Variants in FGF14 observed in about 807,000 individuals in gnomAD.
FGF14 encodes the protein fibroblast growth factor 14, also known as fibroblast growth factor homologous factor 4.
FGF14 carries 5 observed loss-of-function variants against 25.5 expected under a neutral mutation model. The ratio of observed to expected loss-of-function variants is 0.20; its 90% CI spans 0.10 to 0.41. FGF14 has a LOEUF of 0.41. Among genes scored for constraint, FGF14 ranks in the 10% least tolerant of loss-of-function variants. FGF14 has a pLI of 1.00. For synonymous variants in FGF14, 138 were observed against 118.3 expected, an observed-to-expected ratio of 1.17 and a Z score of -1.08; for missense variants, 222 against 320.1, an observed-to-expected ratio of 0.69 and a Z score of 2.34.
At chr13:102,232,316 T>A (rs1307046496) in intron 1 of FGF14, among the ~76,000 whole-genome samples, 1 of 152,156 alleles carries the variant, frequency 6.6e-6, no homozygotes, top group Non-Finnish European at 1.5e-5. Context: ...AACTTTCACA[T>A]CCACATCAAC....
chr13:102,010,537 T>G (rs561614377), intron 1 of FGF14, among the ~76,000 whole-genome samples: 1 of 152,254 alleles, frequency 6.6e-6, no homozygotes, highest in Admixed American at 6.5e-5. Flanking sequence ...GTTATAAGCT[T>G]TTATTTGCAC....
intron 3 of FGF14, among the ~76,000 whole-genome samples, chr13:101,809,416 T>A (rs1318441134): frequency 2.6e-5 from 4 of 152,154 alleles, no homozygotes; most frequent in Non-Finnish European, 5.9e-5. Context: ...GTGCAGGCTA[T>A]GAAGAGTTTA....
intron 1 of FGF14, among the ~76,000 whole-genome samples, chr13:101,903,189 T>C (rs935002127): frequency 4.6e-5 from 7 of 152,116 alleles, no homozygotes; most frequent in African/African-American, 1.7e-4. Flanking sequence ...TGTGAGGCAA[T>C]TTGACATTCA....
intron 1 of FGF14, among the ~76,000 whole-genome samples, chr13:102,045,317 C>T (rs2041933819): frequency 6.6e-6 from 1 of 151,264 alleles, no homozygotes; most frequent in Non-Finnish European, 1.5e-5. Flanking sequence ...TATGTAAATA[C>T]ACACAGAAGT....
intron 3 of FGF14, among the ~76,000 whole-genome samples, chr13:101,811,303 A>G (rs2041499161): frequency 6.6e-6 from 1 of 152,182 alleles, no homozygotes; most frequent in Admixed American, 6.5e-5. Context: ...GCAACCATGG[A>G]TCTTTTTCCT....
At chr13:102,062,382 T>TA (rs1393875034) in intron 1 of FGF14, among the ~76,000 whole-genome samples, 1 of 151,910 alleles carries the variant, frequency 6.6e-6, no homozygotes. Flanking sequence ...AAAATAAGCC[T>TA]AACCAAAAAG....
intron 1 of FGF14, among the ~76,000 whole-genome samples, chr13:101,898,805 T>C (rs1209683172): frequency 6.6e-6 from 1 of 152,022 alleles, no homozygotes; most frequent in Admixed American, 6.6e-5. Flanking sequence ...AGAAAGAAAA[T>C]TGGTTGATGG....
intron 1 of FGF14, among the ~76,000 whole-genome samples, chr13:102,305,276 C>T (rs2055311385): frequency 6.6e-6 from 1 of 151,946 alleles, no homozygotes; most frequent in African/African-American, 2.4e-5. Flanking sequence ...TAAAATAGCA[C>T]AAATAGCCTA....
At chr13:102,254,332 G>A (rs929656688) in intron 1 of FGF14, among the ~76,000 whole-genome samples, 2 of 152,112 alleles carry the variant, frequency 1.3e-5, no homozygotes, top group African/African-American at 4.8e-5. Context: ...GTCAGCCTGG[G>A]GGATCTACTG....
chr13:102,170,149 G>A (rs921681177), intron 1 of FGF14, among the ~76,000 whole-genome samples: 2 of 152,092 alleles, frequency 1.3e-5, no homozygotes, highest in South Asian at 2.1e-4. Context: ...GTCTTCCAGC[G>A]TGGGGCATAC....
chr13:102,251,204 C>T lies in FGF14; in HGVS notation c.208+150267G>A, dbSNP rs1425847252. Among the ~76,000 whole-genome samples the T allele has an allele frequency of 3.3e-5, 5 of 152,082 alleles. No individual in the cohort carries two copies. In the East Asian group the frequency reaches 9.6e-4, roughly 29 times the overall value. On this transcript the variant is annotated intron_variant, in intron 1 of 4. Coordinates refer to the FGF14 transcript ENST00000376131. Reference sequence around the variant, plus strand: ...CTACTCATTGGTATGGTATCTTTGTCTCTGGGAACTACGGAGATAGAGGTA... The same window carrying T: ...CTACTCATTGGTATGGTATCTTTGTTTCTGGGAACTACGGAGATAGAGGTA...
intron 1 of FGF14, among the ~76,000 whole-genome samples, chr13:101,942,796 C>T (rs1186445953): frequency 1.3e-5 from 2 of 152,194 alleles, no homozygotes; most frequent in East Asian, 3.9e-4. Context: ...GAGCTAAAAG[C>T]CTTTGCTTCA....
intron 1 of FGF14, among the ~76,000 whole-genome samples, chr13:102,371,204 C>A (rs137983065): frequency 6.6e-6 from 1 of 152,084 alleles, no homozygotes; most frequent in African/African-American, 2.4e-5. Flanking sequence ...AAATTTATAA[C>A]CTGATACAAA....
chr13:101,852,017 C>G lies in FGF14; in HGVS notation c.408+16708G>C, dbSNP rs148299538. ...GCCTAGGGCTGGGGCTCTCAAGGAA[C>G]AGATTCTGCTTTTCTTTGGATAATC... On this transcript the variant is annotated intron_variant, in intron 3 of 4. Transcript: ENST00000376143. Among the ~76,000 whole-genome samples, 27 of 152,214 alleles carry G rather than the reference C, an allele frequency of 1.8e-4. 1 individual carries two copies. The highest frequency in any genetic ancestry group is 5.1e-4 in the African/African-American group (21 of 41,558).
At chr13:102,333,555 A>G (rs575986709) in intron 1 of FGF14, among the ~76,000 whole-genome samples, 1 of 152,292 alleles carries the variant, frequency 6.6e-6, no homozygotes, top group African/African-American at 2.4e-5. Flanking sequence ...GGCTTTCGGT[A>G]AAGTAGGAAC....
At chr13:102,267,835 C>T (rs373545331) in intron 1 of FGF14, among the ~76,000 whole-genome samples, 1 of 151,818 alleles carries the variant, frequency 6.6e-6, no homozygotes, top group African/African-American at 2.4e-5. Flanking sequence ...TCAAAGCAGA[C>T]AGAAATTGTA....
chr13:102,192,927 C>T (rs888139519), intron 1 of FGF14, among the ~76,000 whole-genome samples: 5 of 152,096 alleles, frequency 3.3e-5, no homozygotes, highest in Non-Finnish European at 5.9e-5. Context: ...TTTCTTTCTG[C>T]GCCCTCACTC....
chr13:101,935,577 C>T (rs575260389), intron 1 of FGF14, among the ~76,000 whole-genome samples: 1 of 152,220 alleles, frequency 6.6e-6, no homozygotes, highest in Non-Finnish European at 1.5e-5. Flanking sequence ...CCTGCTTGCA[C>T]TCATTCTCTT....
In FGF14 at chr13:102,153,705, C is replaced by G. The variant is rs9582556; in HGVS notation, c.208+247766G>C. ...TATTTTTCTTCTTCAGTTCTCCCTC[C>G]CTCCTTGCCTTCCCAGCCTCTGGTA... is the stretch of plus-strand genomic sequence containing the variant. On this transcript the variant is annotated intron_variant, in intron 1 of 4. Coordinates refer to the FGF14 transcript ENST00000376131. 3.8e-3 allele frequency among the ~76,000 whole-genome samples: 572 copies of G among 152,200 alleles called. 6 individuals carry two copies. The highest frequency in any genetic ancestry group is 0.012 in the African/African-American group (502 of 41,524).
Sources: gnomAD v4.1 joint callset for allele counts (sites outside exome capture counted in the v4.1 genomes callset) on GRCh38, gnomAD v4.1.1 for gene constraint, MANE v1.5 for transcripts, NCBI Gene and HGNC (gene_info 2026-07-23, HGNC 2026-07-21) for gene names.